ANKS1A: variants seen among roughly 807,000 people sequenced by gnomAD.
The protein encoded by ANKS1A is ankyrin repeat and sterile alpha motif domain containing 1A.
Under a neutral mutation model 120.3 loss-of-function variants are expected in ANKS1A, and 55 were observed. The ratio of observed to expected loss-of-function variants is 0.46; its 90% CI spans 0.37 to 0.57. The LOEUF is 0.57. Among genes scored for constraint, ANKS1A ranks in the 20% least tolerant of loss-of-function variants. The pLI, the probability that ANKS1A is intolerant of heterozygous loss-of-function variation, is 0.00. For missense variants in ANKS1A, 1,123 were observed against 1,480.3 expected (o/e 0.76, Z 3.96); for synonymous variants, 590 against 604.7 (o/e 0.98, Z 0.36).
At chr6:35,032,335 C>A (rs950078273) in intron 11 of ANKS1A, among the ~76,000 whole-genome samples, 2 of 152,186 alleles carry the variant, frequency 1.3e-5, no homozygotes, top group Non-Finnish European at 2.9e-5. Context: ...TGCCATAAAA[C>A]CTGCCCCCTT....
At chr6:34,962,350 A>G (rs1399252774) in intron 1 of ANKS1A, among the ~76,000 whole-genome samples, 1 of 152,244 alleles carries the variant, frequency 6.6e-6, no homozygotes, top group East Asian at 1.9e-4. Context: ...CTTTTTAAAC[A>G]TTTATTTTTA....
At position 34,892,812 on chromosome 6, in the gene ANKS1A, A is replaced by G. The variant is rs2127439546; in HGVS notation, c.197+3213A>G. On this transcript the variant is annotated intron_variant, in intron 1 of 23. Transcript: ENST00000360359. ...TCACAGTTGATCGCTTTGGCCTGTC[A>G]GTATAATGTTTACATATAGCAACCC... Among the ~76,000 whole-genome samples the G allele has an allele frequency of 2.0e-5, 3 of 152,352 alleles. No individual in the cohort carries two copies. The East Asian group carries it at 5.8e-4, about 29-fold the overall frequency.
Position 35,084,069 on chromosome 6 carries a change from G to A in ANKS1A, c.2995-52G>A. The A allele has an allele frequency of 6.2e-7, 1 of 1,607,002 alleles. No homozygotes were observed. Among genetic ancestry groups the A allele is most frequent in the Middle Eastern group, 1.7e-4 (1 of 6,028 alleles). On this transcript the variant is annotated intron_variant, in intron 20 of 23. Coordinates refer to ENST00000360359, the MANE Select transcript of ANKS1A (RefSeq NM_015245.3). The surrounding 1 kb of genome is among the most constrained non-coding windows in gnomAD (Gnocchi z 4.8). ...ATGGTAACAGGCTGGGGCAGGGGGT[G>A]CCAGAGGCATGCCTGAGCCTGAGAA...
chr6:35,079,065 G>A (rs1000897567), intron 14 of ANKS1A, among the ~76,000 whole-genome samples: 4 of 152,304 alleles, frequency 2.6e-5, no homozygotes, highest in African/African-American at 4.8e-5. Flanking sequence ...GGGAAGTACC[G>A]TCTTCCCTGG....
At chr6:34,895,586 ACC>A (rs1383467787) in intron 1 of ANKS1A, among the ~76,000 whole-genome samples, 4 of 152,096 alleles carry the variant, frequency 2.6e-5, no homozygotes, top group Non-Finnish European at 4.4e-5. Context: ...GGCAACACTG[ACC>A]ATGTAAGGAT....
chr6:35,021,570 T>G (rs1191214487), intron 11 of ANKS1A, among the ~76,000 whole-genome samples: 1 of 152,244 alleles, frequency 6.6e-6, no homozygotes, highest in Non-Finnish European at 1.5e-5. Context: ...TGTGTTTAAC[T>G]GCCTAGCACA....
At chr6:35,027,178 T>C (rs571693285) in intron 11 of ANKS1A, among the ~76,000 whole-genome samples, 1 of 152,084 alleles carries the variant, frequency 6.6e-6, no homozygotes, top group Non-Finnish European at 1.5e-5. Context: ...GGAGATCCAG[T>C]GAGGGAGGCC....
At chr6:34,910,272 G>A (rs1298695084) in intron 1 of ANKS1A, among the ~76,000 whole-genome samples, 3 of 152,266 alleles carry the variant, frequency 2.0e-5, no homozygotes, top group African/African-American at 7.2e-5. Flanking sequence ...CATCTAAATA[G>A]GATATTACAG....
intron 23 of ANKS1A, among the ~76,000 whole-genome samples, chr6:35,088,007 T>C (rs1316561431): frequency 6.6e-6 from 1 of 152,226 alleles, no homozygotes; most frequent in Non-Finnish European, 1.5e-5. Context: ...ACGGCGCACC[T>C]TCTTCCCTCA....
intron 3 of ANKS1A, among the ~76,000 whole-genome samples, chr6:34,975,761 AAATAAT>A (rs993880003): frequency 5.3e-5 from 8 of 152,010 alleles, no homozygotes; most frequent in Admixed American, 3.3e-4. Context: ...CTCAAAAAAA[AAATAAT>A]AATAATAATA....
Position 35,044,363 on chromosome 6 carries a change from C to T in ANKS1A, c.2011-9736C>T, listed in dbSNP as rs191521810. Reference sequence around the variant, plus strand: ...GTGTGGGAAGAACAAGTTCCTTGCTCACAGCCGCGTTGCTGAAAGCGGCAA... The same window carrying T: ...GTGTGGGAAGAACAAGTTCCTTGCTTACAGCCGCGTTGCTGAAAGCGGCAA... On this transcript the variant is annotated intron_variant, in intron 11 of 23. Coordinates refer to ENST00000360359, the MANE Select transcript of ANKS1A (RefSeq NM_015245.3). The surrounding 1 kb of genome is among the most constrained non-coding windows in gnomAD (Gnocchi z 4.4). Among the ~76,000 whole-genome samples the T allele has an allele frequency of 1.3e-5, 2 of 152,356 alleles. No individual in the cohort carries two copies. The highest frequency in any genetic ancestry group is 3.9e-4 in the East Asian group (2 of 5,190).
chr6:35,083,031 A>G (rs1212062139), intron 18 of ANKS1A, 124 bp from the exon 19 acceptor site: 2 of 1,306,300 alleles, frequency 1.5e-6, no homozygotes, highest in Non-Finnish European at 1.1e-6. Context: ...CAGCTGGGGC[A>G]GGAGAGGGGG....
intron 11 of ANKS1A, among the ~76,000 whole-genome samples, chr6:35,025,272 G>C (rs555669783): frequency 2.0e-5 from 3 of 149,850 alleles, no homozygotes; most frequent in African/African-American, 7.4e-5. Flanking sequence ...ACACACACAC[G>C]CATATATGTA....
At chr6:34,945,620 A>G (rs1561863513) in intron 1 of ANKS1A, among the ~76,000 whole-genome samples, 1 of 152,224 alleles carries the variant, frequency 6.6e-6, no homozygotes, top group Non-Finnish European at 1.5e-5. Flanking sequence ...CTTCATCACT[A>G]TAGCTTTATA....
intron 1 of ANKS1A, among the ~76,000 whole-genome samples, chr6:34,910,104 A>G (rs1300209306): frequency 6.6e-6 from 1 of 152,188 alleles, no homozygotes; most frequent in Non-Finnish European, 1.5e-5. Flanking sequence ...GGATCAAAGG[A>G]GTTGAGATTA....
At chr6:34,920,371 A>G (rs1037747004) in intron 1 of ANKS1A, among the ~76,000 whole-genome samples, 1 of 151,808 alleles carries the variant, frequency 6.6e-6, no homozygotes, top group Non-Finnish European at 1.5e-5. Flanking sequence ...GTGCACCACC[A>G]TGCCAGGCTA....
At position 35,045,916 on chromosome 6, in the gene ANKS1A, C is replaced by T. The variant is rs536458400; in HGVS notation, c.2011-8183C>T. Among the ~76,000 whole-genome samples, 3 of 152,196 alleles carry T rather than the reference C, an allele frequency of 2.0e-5. No individual in the cohort carries two copies. In the South Asian group the frequency reaches 6.2e-4, roughly 32 times the overall value. On this transcript the variant is annotated intron_variant, in intron 11 of 23. Transcript: ENST00000360359. Reference sequence around the variant, plus strand: ...AAGTGCTTTCAGGGTCGGTGGTCGACCTTGCTGTGAGCACATGAATTCTGT... The same window carrying T: ...AAGTGCTTTCAGGGTCGGTGGTCGATCTTGCTGTGAGCACATGAATTCTGT...
rs761552683 is a variant in ANKS1A at position 34,967,251 on chromosome 6, G to A, written c.210G>A (p.Gly70=). The stretch of plus-strand genomic sequence containing the variant: ...TTTTCCCTGATAGCATGTGGAGAGG[G>A]CCAAATGTGAACTGTGTTGACAGCA... ...PLSSLLSMWR[G]PNVNCVDSTG... The change falls in exon 2 of 24, where the codon GGG becomes GGA. Residue 70 remains glycine (G), a synonymous_variant. Transcript: ENST00000360359. The A allele has an allele frequency of 1.9e-6, 3 of 1,613,524 alleles. No individual in the cohort carries two copies. The highest frequency in any genetic ancestry group is 1.1e-5 in the South Asian group (1 of 91,020).
intron 1 of ANKS1A, among the ~76,000 whole-genome samples, chr6:34,917,942 C>T (rs1209774285): frequency 6.6e-6 from 1 of 152,194 alleles, no homozygotes; most frequent in Non-Finnish European, 1.5e-5. Context: ...TGGTAGTATA[C>T]AGCCTCTTCC....
Sources: allele counts gnomAD v4.1 joint callset (sites outside exome capture counted in the v4.1 genomes callset), GRCh38; gene constraint gnomAD v4.1.1; non-coding constraint Gnocchi (gnomAD v3.1); transcripts MANE v1.5; gene names NCBI Gene and HGNC (gene_info 2026-07-23, HGNC 2026-07-21).